The following TMEM117 variants were observed in gnomAD, a reference collection of about 807,000 sequenced individuals.
TMEM117 encodes transmembrane protein 117.
TMEM117 carries 27 observed loss-of-function variants against 52.4 expected under a neutral mutation model. The observed-to-expected ratio is 0.51, with a 90% CI of 0.38 to 0.71. The LOEUF (loss-of-function observed/expected upper bound fraction) is 0.71, where lower values mean the gene tolerates loss of function less well. TMEM117 is among the 30% of genes least tolerant of loss of function. The pLI is 0.00. For missense variants in TMEM117, 556 were observed against 630.5 expected (o/e 0.88, Z 1.26); for synonymous variants, 215 against 206.3 (o/e 1.04, Z -0.36).
intron 3 of TMEM117, among the ~76,000 whole-genome samples, chr12:43,996,391 C>G (rs1340605683): frequency 6.6e-6 from 1 of 152,072 alleles, no homozygotes; most frequent in Non-Finnish European, 1.5e-5. Flanking sequence ...CACCTGTAAT[C>G]CCAGCCCTTT....
chr12:43,841,060 A>C (rs1943108928), intron 1 of TMEM117, among the ~76,000 whole-genome samples: 1 of 152,238 alleles, frequency 6.6e-6, no homozygotes, highest in South Asian at 2.1e-4. Flanking sequence ...GAGGATAAGC[A>C]GAGGTTTAAT....
At chr12:43,921,380 TAGAG>T (rs1440843597) in intron 2 of TMEM117, among the ~76,000 whole-genome samples, 1 of 152,164 alleles carries the variant, frequency 6.6e-6, no homozygotes, top group African/African-American at 2.4e-5. Flanking sequence ...TAGTATCTGG[TAGAG>T]AGAGAATAAG....
intron 3 of TMEM117, among the ~76,000 whole-genome samples, chr12:43,966,222 G>A (rs1945483148): frequency 6.6e-6 from 1 of 152,076 alleles, no homozygotes. Flanking sequence ...CTTTCAATCT[G>A]TTTTCTCTTT....
intron 2 of TMEM117, among the ~76,000 whole-genome samples, chr12:43,854,917 G>A (rs1022162894): frequency 6.6e-6 from 1 of 152,186 alleles, no homozygotes; most frequent in South Asian, 2.1e-4. Context: ...GATTACAGGC[G>A]TGAGCCACCG....
intron 3 of TMEM117, among the ~76,000 whole-genome samples, chr12:43,969,302 C>T (rs1483970661): frequency 1.5e-5 from 2 of 137,906 alleles, no homozygotes; most frequent in African/African-American, 2.7e-5. Flanking sequence ...GGGTGGATCA[C>T]GAGGTCAGGA....
chr12:44,287,852 A>G (rs1950656208), intron 5 of TMEM117, among the ~76,000 whole-genome samples: 2 of 152,328 alleles, frequency 1.3e-5, no homozygotes, highest in South Asian at 4.1e-4. Context: ...CCTGTGATTC[A>G]GTTTCAGCAC....
intron 6 of TMEM117, among the ~76,000 whole-genome samples, chr12:44,330,085 G>A (rs1951248505): frequency 1.3e-5 from 2 of 151,832 alleles, no homozygotes; most frequent in Non-Finnish European, 2.9e-5. Flanking sequence ...TTTTGAGGAA[G>A]TGCCGTACCG....
chr12:44,247,487 T>C (rs564399046), intron 5 of TMEM117, among the ~76,000 whole-genome samples: 30 of 152,268 alleles, frequency 2.0e-4, no homozygotes, highest in Non-Finnish European at 3.5e-4. Flanking sequence ...TGCAATGTTA[T>C]ATTTCAGTGC....
chr12:44,347,845 T>A (rs1951509022), intron 6 of TMEM117, among the ~76,000 whole-genome samples: 1 of 152,052 alleles, frequency 6.6e-6, no homozygotes. Flanking sequence ...CAAATCTGGC[T>A]GCATGTTATC....
At chr12:44,251,013 A>G (rs1051231177) in intron 5 of TMEM117, among the ~76,000 whole-genome samples, 1 of 152,192 alleles carries the variant, frequency 6.6e-6, no homozygotes, top group African/African-American at 2.4e-5. Context: ...ATAAAATAAA[A>G]ATAAAAATAA....
intron 4 of TMEM117, among the ~76,000 whole-genome samples, chr12:44,161,293 A>G (rs1780243713): frequency 6.6e-6 from 1 of 152,218 alleles, no homozygotes; most frequent in South Asian, 2.1e-4. Flanking sequence ...AATAATGGAA[A>G]GAATGTTGAA....
At chr12:43,840,155 T>G (rs1300242339) in intron 1 of TMEM117, among the ~76,000 whole-genome samples, 1 of 152,196 alleles carries the variant, frequency 6.6e-6, no homozygotes, top group Non-Finnish European at 1.5e-5. Flanking sequence ...TATGTCCTTG[T>G]GTGTGGAAGG....
At chr12:44,111,804 G>C (rs1325972518) in intron 3 of TMEM117, among the ~76,000 whole-genome samples, 1 of 140,400 alleles carries the variant, frequency 7.1e-6, no homozygotes, top group African/African-American at 3.0e-5. Context: ...GTTGACAGTG[G>C]GGTGTTAAAG....
At chr12:43,796,814 C>G in the TMEM117 span, among the ~76,000 whole-genome samples, 1 of 151,990 alleles carries the variant, frequency 6.6e-6, no homozygotes, top group Non-Finnish European at 1.5e-5. Flanking sequence ...AGATGGGGAT[C>G]ATGACAGGTA....
chr12:44,195,367 G>A (rs918024796), intron 4 of TMEM117, among the ~76,000 whole-genome samples: 1 of 152,058 alleles, frequency 6.6e-6, no homozygotes, highest in Non-Finnish European at 1.5e-5. Context: ...TTCCAATATC[G>A]CTGACTTCTA....
intron 3 of TMEM117, among the ~76,000 whole-genome samples, chr12:44,102,084 A>G (rs939932269): frequency 2.6e-5 from 4 of 152,042 alleles, no homozygotes; most frequent in Admixed American, 1.3e-4. Context: ...AAAAATTAGA[A>G]TAATGAAGAA....
rs139745190 is a variant in TMEM117 at position 44,325,794 on chromosome 12, G to A, written c.768+26055G>A. Among the ~76,000 whole-genome samples, 398 of 152,234 alleles carry A rather than the reference G, an allele frequency of 2.6e-3. 2 individuals carry two copies. The highest frequency in any genetic ancestry group is 9.0e-3 in the African/African-American group (375 of 41,532). On this transcript the variant is annotated intron_variant, in intron 6 of 7. Transcript: ENST00000266534. ...TGGTGTGGAGTGGGTGTGTCCATGC[G>A]TGTATACAAATTCTTGAACACTGCT...
chr12:43,871,432 G>A (rs929507504), intron 2 of TMEM117, among the ~76,000 whole-genome samples: 1 of 152,162 alleles, frequency 6.6e-6, no homozygotes, highest in African/African-American at 2.4e-5. Flanking sequence ...TAGCCATTCT[G>A]ACTGGTATGA....
intron 2 of TMEM117, among the ~76,000 whole-genome samples, chr12:43,903,152 A>G (rs1367709169): frequency 6.6e-6 from 1 of 152,222 alleles, no homozygotes; most frequent in African/African-American, 2.4e-5. Context: ...TACTTGATAT[A>G]TACTTTTCAG....
Sources: allele counts gnomAD v4.1 joint callset (sites outside exome capture counted in the v4.1 genomes callset), GRCh38; gene constraint gnomAD v4.1.1; transcripts MANE v1.5; gene names NCBI Gene and HGNC (gene_info 2026-07-23, HGNC 2026-07-21).